Variants in SCAMP1 observed in about 807,000 individuals in gnomAD.
SCAMP1 encodes secretory carrier membrane protein 1.
A neutral mutation model predicts 41.8 loss-of-function variants in SCAMP1; 15 were observed. That is an observed-to-expected ratio of 0.36 (90% CI 0.24 to 0.55). The LOEUF (loss-of-function observed/expected upper bound fraction) is 0.55. Ranked by LOEUF, SCAMP1 falls within the 20% of genes least tolerant of loss-of-function variation. The pLI is 0.86. For synonymous variants in SCAMP1, 135 were observed against 136.8 expected (o/e 0.99, Z 0.09); for missense variants, 341 against 412.6 (o/e 0.83, Z 1.50).
chr5:78,411,313 G>A (rs1580673726), intron 2 of SCAMP1, among the ~76,000 whole-genome samples: 1 of 152,106 alleles, frequency 6.6e-6, no homozygotes, highest in Non-Finnish European at 1.5e-5. Context: ...GGAGAAGTTA[G>A]CATTGATTAG....
At chr5:78,417,749 C>G (rs948433967) in intron 4 of SCAMP1, among the ~76,000 whole-genome samples, 4 of 152,144 alleles carry the variant, frequency 2.6e-5, no homozygotes, top group African/African-American at 7.2e-5. Flanking sequence ...TCCAGAGCCT[C>G]TCTTCTTTAC....
intron 2 of SCAMP1, among the ~76,000 whole-genome samples, chr5:78,404,573 T>G (rs180720047): frequency 9.1e-4 from 138 of 151,468 alleles, no homozygotes; most frequent in Non-Finnish European, 1.5e-3. Context: ...GTCCTGTGAT[T>G]AGGTCTCAGT....
In SCAMP1 at chr5:78,385,930, G is replaced by T. The variant is rs192710144; in HGVS notation, c.58-2907G>T. Among the ~76,000 whole-genome samples, 508 of 152,254 alleles carry T rather than the reference G, an allele frequency of 3.3e-3. 4 individuals carry two copies. Among genetic ancestry groups the T allele is most frequent in the African/African-American group, 0.012 (485 of 41,558 alleles). On this transcript the variant is annotated intron_variant, in intron 1 of 8. Coordinates refer to ENST00000621999, the MANE Select transcript of SCAMP1 (RefSeq NM_004866.6). ...AGAATGTATGCTTGTATGTTCTGCA[G>T]TTGTTGGGTAGAATATTCTGTAAAT... is the stretch of plus-strand genomic sequence containing the variant.
At chr5:78,469,900 A>G (rs1753834044) in intron 8 of SCAMP1, among the ~76,000 whole-genome samples, 1 of 37,928 alleles carries the variant, frequency 2.6e-5, no homozygotes, top group African/African-American at 1.9e-4. Flanking sequence ...TAAAAAAAAA[A>G]AAAAAAAAAA....
chr5:78,370,324 G>A (rs147392504), intron 1 of SCAMP1, among the ~76,000 whole-genome samples: 2 of 152,198 alleles, frequency 1.3e-5, no homozygotes, highest in African/African-American at 4.8e-5. Context: ...CTTTCAGTGG[G>A]TGTGGGATAT....
chr5:78,407,389 C>T (rs1659735002), intron 2 of SCAMP1, among the ~76,000 whole-genome samples: 1 of 152,144 alleles, frequency 6.6e-6, no homozygotes, highest in Admixed American at 6.5e-5. Context: ...TGCATTGTTG[C>T]TGTTGAGAAG....
intron 6 of SCAMP1, among the ~76,000 whole-genome samples, chr5:78,448,605 A>G (rs959492933): frequency 6.6e-6 from 1 of 152,234 alleles, no homozygotes; most frequent in African/African-American, 2.4e-5. Context: ...GTAAGATATT[A>G]CTGTACAGCT....
intron 1 of SCAMP1, among the ~76,000 whole-genome samples, chr5:78,371,575 A>G (rs1750944239): frequency 6.6e-6 from 1 of 152,196 alleles, no homozygotes; most frequent in African/African-American, 2.4e-5. Flanking sequence ...TTTTCTGAGT[A>G]TATATTAACT....
At chr5:78,392,444 C>T (rs1435234715) in intron 2 of SCAMP1, among the ~76,000 whole-genome samples, 2 of 152,108 alleles carry the variant, frequency 1.3e-5, no homozygotes, top group African/African-American at 4.8e-5. Context: ...AAAAAATAGT[C>T]CTGGTCTTTG....
At chr5:78,430,455 A>G (rs979882439) in intron 6 of SCAMP1, among the ~76,000 whole-genome samples, 1 of 151,620 alleles carries the variant, frequency 6.6e-6, no homozygotes. Context: ...TTCTGGCAAG[A>G]TTGAAAAACT....
chr5:78,404,345 C>T (rs1010741491), intron 2 of SCAMP1, among the ~76,000 whole-genome samples: 2 of 151,412 alleles, frequency 1.3e-5, no homozygotes, highest in Non-Finnish European at 2.9e-5. Context: ...CGGGGTCTCA[C>T]TATATTGCCC....
intron 1 of SCAMP1, among the ~76,000 whole-genome samples, chr5:78,362,831 CTACTT>C (rs1020724652): frequency 1.8e-4 from 27 of 151,280 alleles, no homozygotes; most frequent in Non-Finnish European, 3.5e-4. Flanking sequence ...TTCTGATACT[CTACTT>C]AAATCTGAAA....
intron 7 of SCAMP1, among the ~76,000 whole-genome samples, chr5:78,458,809 G>C (rs1365537954): frequency 2.0e-5 from 3 of 152,136 alleles, no homozygotes; most frequent in Non-Finnish European, 4.4e-5. Flanking sequence ...GAACCCAGGA[G>C]GCGGAGATTA....
chr5:78,400,810 G>A (rs1751779222), intron 2 of SCAMP1, among the ~76,000 whole-genome samples: 2 of 152,030 alleles, frequency 1.3e-5, no homozygotes, highest in Admixed American at 6.6e-5. Flanking sequence ...AGTCTTATTT[G>A]TTTCTTCTTA....
At chr5:78,400,077 C>T (rs1751760273) in intron 2 of SCAMP1, among the ~76,000 whole-genome samples, 1 of 152,094 alleles carries the variant, frequency 6.6e-6, no homozygotes, top group South Asian at 2.1e-4. Context: ...ATATGCTTGG[C>T]TTCTGTGATC....
chr5:78,446,330 T>A (rs992251765), intron 6 of SCAMP1, among the ~76,000 whole-genome samples: 2 of 152,184 alleles, frequency 1.3e-5, no homozygotes, highest in African/African-American at 4.8e-5. Context: ...AGTTAGGCAG[T>A]TTCAGCTTCT....
At position 78,476,600 on chromosome 5, in the gene SCAMP1, T is replaced by C. The variant is rs924900945; in HGVS notation, c.*932T>C. The stretch of plus-strand genomic sequence containing the variant: ...GCTCTTTTTTGGGGATGTGTGTGTG[T>C]GATTTTTAACAGAGGTATTAAAGGC... On this transcript the variant is annotated 3_prime_UTR_variant, in exon 9 of 9. Coordinates refer to ENST00000621999, the MANE Select transcript of SCAMP1 (RefSeq NM_004866.6). The C allele has an allele frequency of 3.9e-5, 6 of 152,560 alleles. No homozygotes were observed. The highest frequency in any genetic ancestry group is 1.4e-4 in the African/African-American group (6 of 41,438). 9.5% of individuals were successfully genotyped at this position (152,560 alleles called of 1,614,324 possible). A position where few individuals can be genotyped will look rare whatever the true frequency, so the allele number is the denominator to read the frequency against.
In SCAMP1 at chr5:78,360,705, C is replaced by G. The variant is rs542754511; in HGVS notation, c.34C>G (p.Pro12Ala). 3 of 1,610,682 alleles carry G rather than the reference C, an allele frequency of 1.9e-6. No homozygotes were observed. The highest frequency in any genetic ancestry group is 2.2e-5 in the East Asian group (1 of 44,654). The stretch of plus-strand genomic sequence containing the variant: ...TTTCGACAGTAACCCGTTTGCCGAC[C>G]CGGATCTCAACAATCCCTTCAAGGT... ...SDFDSNPFAD[P>A]DLNNPFKDPS... is the part of the protein sequence containing the mutation. Residue 12 changes from proline to alanine, a missense_variant, in exon 1 of 9, where the codon CCG becomes GCG. Transcript: ENST00000621999.
rs533900440 is a variant in SCAMP1 at position 78,476,309 on chromosome 5, T to C, written c.*641T>C. On this transcript the variant is annotated 3_prime_UTR_variant, in exon 9 of 9. Coordinates refer to ENST00000621999, the MANE Select transcript of SCAMP1 (RefSeq NM_004866.6). ...AAAAGAATTAGTGTTTTGGCTTCTGTACTGCTTATGGTTGTAGGATTCAGG... is the reference window on the plus strand; with the variant it reads ...AAAAGAATTAGTGTTTTGGCTTCTGCACTGCTTATGGTTGTAGGATTCAGG... 1.3e-5 allele frequency: 2 copies of C among 152,334 alleles called. No individual in the cohort carries two copies. Among genetic ancestry groups the C allele is most frequent in the South Asian group, 4.1e-4 (2 of 4,832 alleles). 9.4% of individuals were successfully genotyped at this position (152,334 alleles called of 1,614,324 possible).
Sources: allele counts gnomAD v4.1 joint callset (sites outside exome capture counted in the v4.1 genomes callset), GRCh38; gene constraint gnomAD v4.1.1; transcripts MANE v1.5; gene names NCBI Gene and HGNC (gene_info 2026-07-23, HGNC 2026-07-21).